The following EXOC6 variants were observed in gnomAD, a reference collection of about 807,000 sequenced individuals.
The protein encoded by EXOC6 is exocyst complex component 6, also known as SEC15-like 1.
A neutral mutation model predicts 112.5 loss-of-function variants in EXOC6; 60 were observed. That is an observed-to-expected ratio of 0.53 (90% CI 0.43 to 0.66). The LOEUF is 0.66. Ranked by LOEUF, EXOC6 falls within the 30% of genes least tolerant of loss-of-function variation. EXOC6 has a pLI of 0.00. For missense variants in EXOC6, 855 were observed against 957.1 expected (o/e 0.89, Z 1.41); for synonymous variants, 295 against 308.0 (o/e 0.96, Z 0.44).
At chr10:92,866,403 A>T (rs1420311909) in intron 1 of EXOC6, among the ~76,000 whole-genome samples, 2 of 152,176 alleles carry the variant, frequency 1.3e-5, no homozygotes, top group Non-Finnish European at 2.9e-5. Context: ...CCAAAACCAT[A>T]GCCTTTATAT....
chr10:93,005,440 C>CT (rs1210820087), intron 19 of EXOC6, among the ~76,000 whole-genome samples: 2 of 152,032 alleles, frequency 1.3e-5, no homozygotes, highest in African/African-American at 2.4e-5. Context: ...AGTGTATGTA[C>CT]TTTGTTTTAT....
intron 1 of EXOC6, among the ~76,000 whole-genome samples, chr10:92,853,605 T>G (rs1337221021): frequency 6.6e-6 from 1 of 152,234 alleles, no homozygotes; most frequent in Non-Finnish European, 1.5e-5. Context: ...TCAATTGATT[T>G]TCAACAAAGA....
chr10:93,003,339 C>T (rs1700125213), intron 19 of EXOC6, among the ~76,000 whole-genome samples: 1 of 152,154 alleles, frequency 6.6e-6, no homozygotes, highest in Non-Finnish European at 1.5e-5. Flanking sequence ...TTATTCTATA[C>T]CATCATTCAG....
At chr10:92,912,929 A>G (rs574854673) in intron 6 of EXOC6, among the ~76,000 whole-genome samples, 2 of 152,282 alleles carry the variant, frequency 1.3e-5, no homozygotes, top group African/African-American at 2.4e-5. Context: ...TCCCAGAGCT[A>G]TGAACATCTG....
chr10:92,896,175 ATATATATTTTTTTTTTTTTTTTTTTTT>A (rs1849800980), intron 4 of EXOC6, among the ~76,000 whole-genome samples: 7 of 20,522 alleles, frequency 3.4e-4, no homozygotes, highest in African/African-American at 1.4e-3. Flanking sequence ...ATATATATAT[ATATATATTTTTTTTTTTTTTTTTTTTT>A]TTTTTTTTTT....
chr10:92,844,554 A>G (rs1338351695), upstream of EXOC6, among the ~76,000 whole-genome samples: 1 of 152,162 alleles, frequency 6.6e-6, no homozygotes, highest in African/African-American at 2.4e-5. Flanking sequence ...CATCCACCAA[A>G]CATGCAGAAA....
At chr10:93,049,034 C>T (rs898491341) in intron 20 of EXOC6, among the ~76,000 whole-genome samples, 1 of 151,860 alleles carries the variant, frequency 6.6e-6, no homozygotes, top group Non-Finnish European at 1.5e-5. Flanking sequence ...TTTACAAACA[C>T]CTTGTACATA....
At chr10:92,917,694 T>TA (rs925015601) in intron 7 of EXOC6, among the ~76,000 whole-genome samples, 21 of 148,986 alleles carry the variant, frequency 1.4e-4, no homozygotes, top group Admixed American at 4.0e-4. Flanking sequence ...CCTGGCTAAT[T>TA]AAAAAAAAAA....
At chr10:92,904,053 G>GTA (rs143905759) in intron 5 of EXOC6, among the ~76,000 whole-genome samples, 2,528 of 152,038 alleles carry the variant, frequency 0.017, 61 homozygotes, top group African/African-American at 0.055. Context: ...AAATAATACA[G>GTA]TATATATATA....
chr10:93,050,150 C>T (rs1454205089), intron 20 of EXOC6, among the ~76,000 whole-genome samples: 2 of 151,912 alleles, frequency 1.3e-5, no homozygotes, highest in Non-Finnish European at 2.9e-5. Flanking sequence ...AAGAAGAGAG[C>T]TGGTATAAAG....
rs545177510 is a variant in EXOC6 at position 92,976,299 on chromosome 10, A to G, written c.1953+2067A>G. On this transcript the variant is annotated intron_variant, in intron 18 of 21. Transcript: ENST00000260762. The stretch of plus-strand genomic sequence containing the variant: ...CGTGTCTGTGTAGAAAGAGGTAGAC[A>G]TGAGAGACTTTTCACTTTGTTCTGT... Among the ~76,000 whole-genome samples the G allele has an allele frequency of 3.3e-5, 5 of 152,306 alleles. No homozygotes were observed. In the South Asian group the frequency reaches 1.0e-3, roughly 32 times the overall value.
intron 4 of EXOC6, 108 bp downstream of exon 4, chr10:92,895,128 C>T (rs1363327969): frequency 1.4e-6 from 1 of 712,744 alleles, no homozygotes; most frequent in Non-Finnish European, 2.5e-6. Context: ...TTGGTGATTG[C>T]CTCACAACAA....
At chr10:92,838,132 G>A (rs1846721828) in intron 1 of EXOC6, among the ~76,000 whole-genome samples, 1 of 152,162 alleles carries the variant, frequency 6.6e-6, no homozygotes. Flanking sequence ...TGTAATTCAA[G>A]GGTAACTGAA....
chr10:92,884,222 GT>G (rs1454556952), intron 1 of EXOC6, among the ~76,000 whole-genome samples: 1 of 152,152 alleles, frequency 6.6e-6, no homozygotes, highest in African/African-American at 2.4e-5. Flanking sequence ...TCTGATAAAG[GT>G]TTGTAGAAAG....
intron 5 of EXOC6, among the ~76,000 whole-genome samples, chr10:92,903,047 A>G (rs1290796916): frequency 1.3e-5 from 2 of 152,128 alleles, no homozygotes; most frequent in African/African-American, 2.4e-5. Context: ...TCCATTTAGT[A>G]AATATATAGG....
At chr10:92,832,489 G>A (rs1846519254), upstream of EXOC6, among the ~76,000 whole-genome samples, 1 of 152,048 alleles carries the variant, frequency 6.6e-6, no homozygotes, top group Admixed American at 6.6e-5. Context: ...TGTTGGCCAG[G>A]CCTGTCATGA....
chr10:93,031,431 G>A (rs1217050752), intron 20 of EXOC6, among the ~76,000 whole-genome samples: 3 of 150,092 alleles, frequency 2.0e-5, no homozygotes, highest in African/African-American at 7.3e-5. Flanking sequence ...TCTTATCTGT[G>A]TTCTGATCTA....
At chr10:92,860,824 G>A (rs1173300699) in intron 1 of EXOC6, among the ~76,000 whole-genome samples, 1 of 151,412 alleles carries the variant, frequency 6.6e-6, no homozygotes, top group Non-Finnish European at 1.5e-5. Context: ...CCCATTGTAT[G>A]TATATATTAC....
At chr10:93,052,071 G>T (rs1186477109) in intron 20 of EXOC6, among the ~76,000 whole-genome samples, 1 of 152,102 alleles carries the variant, frequency 6.6e-6, no homozygotes, top group Non-Finnish European at 1.5e-5. Flanking sequence ...TTTATCTTCT[G>T]TCCTGGGTCA....
Sources: gnomAD v4.1 joint callset for allele counts (sites outside exome capture counted in the v4.1 genomes callset) on GRCh38, gnomAD v4.1.1 for gene constraint, MANE v1.5 for transcripts, NCBI Gene and HGNC (gene_info 2026-07-23, HGNC 2026-07-21) for gene names.